Variants in ZBTB40 observed in about 807,000 individuals in gnomAD.
The protein encoded by ZBTB40 is zinc finger and BTB domain containing 40, also known as zinc finger and BTB domain-containing protein 40.
A neutral mutation model predicts 117.5 loss-of-function variants in ZBTB40; 60 were observed. That is an observed-to-expected ratio of 0.51 (90% confidence interval 0.41 to 0.63). The LOEUF (loss-of-function observed/expected upper bound fraction) is 0.63, where lower values mean the gene tolerates loss of function less well. Among genes scored for constraint, ZBTB40 ranks in the 30% least tolerant of loss-of-function variants. ZBTB40 has a pLI of 0.00. For synonymous variants in ZBTB40, 525 were observed against 577.1 expected, an observed-to-expected ratio of 0.91 and a Z score of 1.29; for missense variants, 1,287 against 1,498.5, an observed-to-expected ratio of 0.86 and a Z score of 2.33.
intron 16 of ZBTB40, 37 bp downstream of exon 16, chr1:22,522,500 CG>C (rs1398777191): frequency 1.2e-6 from 2 of 1,602,630 alleles, no homozygotes; most frequent in Non-Finnish European, 1.7e-6. Context: ...AGGCTAGACT[CG>C]GGGCCTGAAT....
chr1:22,521,189 G>A (rs572634872), intron 14 of ZBTB40, among the ~76,000 whole-genome samples: 14 of 152,286 alleles, frequency 9.2e-5, no homozygotes, highest in African/African-American at 2.2e-4. Flanking sequence ...TTAACCCCTC[G>A]GTGTCTCCGC....
At chr1:22,493,274 G>A (rs1638682007) in intron 3 of ZBTB40, among the ~76,000 whole-genome samples, 1 of 152,196 alleles carries the variant, frequency 6.6e-6, no homozygotes, top group Non-Finnish European at 1.5e-5. Context: ...AGAGGTCAGA[G>A]TAGGAGCTCT....
intron 17 of ZBTB40, among the ~76,000 whole-genome samples, 200 bp from the exon 18 acceptor site, chr1:22,526,000 GCA>G (rs1639666120): frequency 6.6e-6 from 1 of 152,198 alleles, no homozygotes; most frequent in Admixed American, 6.5e-5. Flanking sequence ...GCAATTTAGT[GCA>G]CAGTTATTTA....
At chr1:22,502,876 T>C (rs929479196) in intron 5 of ZBTB40, among the ~76,000 whole-genome samples, 52 of 152,292 alleles carry the variant, frequency 3.4e-4, no homozygotes, top group African/African-American at 1.1e-3. Flanking sequence ...GTACTGTACA[T>C]TTGGAATATG....
chr1:22,496,125 A>T (rs1050867641), intron 3 of ZBTB40, among the ~76,000 whole-genome samples: 2 of 152,310 alleles, frequency 1.3e-5, no homozygotes. Context: ...ACAGTGGATG[A>T]TTTTGTGAGT....
intron 1 of ZBTB40, among the ~76,000 whole-genome samples, chr1:22,464,127 C>T (rs573476411): frequency 1.4e-4 from 22 of 152,366 alleles, no homozygotes; most frequent in African/African-American, 5.0e-4. Flanking sequence ...CTCATTTAAT[C>T]TTCCAGCAGC....
chr1:22,459,472 A>G (rs975896769), intron 1 of ZBTB40, among the ~76,000 whole-genome samples: 1 of 152,124 alleles, frequency 6.6e-6, no homozygotes, highest in African/African-American at 2.4e-5. Flanking sequence ...TTTTTTCTTC[A>G]CTGATTTGAG....
At chr1:22,521,425 C>T (rs918761082) in intron 14 of ZBTB40, 71 bp from the exon 15 acceptor site, 1 of 1,592,560 alleles carries the variant, frequency 6.3e-7, no homozygotes, top group African/African-American at 1.3e-5. Flanking sequence ...TTCTTTCTCT[C>T]ATGAGAGCCT....
chr1:22,512,900 C>A (rs770129015), intron 11 of ZBTB40, 24 bp from the exon 12 acceptor site: 2 of 1,613,420 alleles, frequency 1.2e-6, no homozygotes, highest in Non-Finnish European at 8.5e-7. Context: ...CTCTTCTGGC[C>A]TCTGGTGTGC....
chr1:22,516,213 G>A (rs12026869), intron 12 of ZBTB40, among the ~76,000 whole-genome samples: 8,556 of 152,152 alleles, frequency 0.056, 759 homozygotes, highest in East Asian at 0.38. Context: ...AGCATTGGAA[G>A]CTCTGTTTTG....
intron 1 of ZBTB40, among the ~76,000 whole-genome samples, chr1:22,463,733 T>C (rs529547664): frequency 3.3e-5 from 5 of 152,380 alleles, no homozygotes; most frequent in Non-Finnish European, 5.9e-5. Flanking sequence ...CCTTCTGTTA[T>C]AACAGTCTTG....
intron 1 of ZBTB40, among the ~76,000 whole-genome samples, chr1:22,434,643 AC>A (rs1640647451): frequency 6.6e-6 from 1 of 152,106 alleles, no homozygotes. Context: ...TCAAATTATT[AC>A]CCAGTTATCC....
chr1:22,458,290 C>A (rs1641048826), intron 1 of ZBTB40, among the ~76,000 whole-genome samples: 1 of 152,210 alleles, frequency 6.6e-6, no homozygotes. Flanking sequence ...GATGGCTTGC[C>A]TGCCCTTAGG....
chr1:22,490,481 C>A lies in ZBTB40; in HGVS notation c.533C>A (p.Ala178Glu). The A allele has an allele frequency of 6.3e-7, 1 of 1,598,446 alleles. No individual in the cohort carries two copies. The highest frequency in any genetic ancestry group is 8.5e-7 in the Non-Finnish European group (1 of 1,172,066). ...CCTGTGAAAGCTGAGACTGAGGAAG[C>A]AGCCCATTCAGTTTCACAAGAGATG... The part of the protein sequence containing the change: ...GGPVKAETEE[A>E]AHSVSQEMSV... The change falls in exon 2 of 18, where the codon GCA (alanine) becomes GAA (glutamate). Residue 178 changes from alanine (A) to glutamate (E), a missense_variant. Ala to Glu is a moderately radical substitution (Grantham distance 107). Transcript: ENST00000375647.
chr1:22,516,722 T>G (rs1178181373), intron 12 of ZBTB40, among the ~76,000 whole-genome samples: 5 of 152,200 alleles, frequency 3.3e-5, no homozygotes, highest in Admixed American at 3.3e-4. Flanking sequence ...TGGTCTAGCA[T>G]TTCTCACAAA....
intron 14 of ZBTB40, 101 bp downstream of exon 14, chr1:22,520,376 G>T (rs1207639032): frequency 3.2e-6 from 3 of 924,334 alleles, no homozygotes; most frequent in Non-Finnish European, 5.1e-6. Context: ...ATCATATCTT[G>T]TATCCAGGAT....
Position 22,513,188 on chromosome 1 carries a change from C to T in ZBTB40, c.2668+58C>T. 6.4e-7 allele frequency: 1 copy of T among 1,560,670 alleles called. No individual in the cohort carries two copies. Among genetic ancestry groups the T allele is most frequent in the Non-Finnish European group, 8.7e-7 (1 of 1,145,072 alleles). On this transcript the variant is annotated intron_variant, in intron 12 of 17. Transcript: ENST00000375647. This position sits in a 1 kb window ranked among gnomAD's most constrained non-coding sequence, Gnocchi z 4.9. ...ACTTTCACTGCGAACTGCCTAAACCCCATTTGGATTAGGTGTGATATATAT... is the reference window on the plus strand; with the variant it reads ...ACTTTCACTGCGAACTGCCTAAACCTCATTTGGATTAGGTGTGATATATAT...
At chr1:22,519,178 C>T (rs1639455151) in intron 13 of ZBTB40, among the ~76,000 whole-genome samples, 2 of 152,234 alleles carry the variant, frequency 1.3e-5, no homozygotes, top group Non-Finnish European at 2.9e-5. Context: ...TGAATCAATG[C>T]ACATAAAAGA....
Position 22,521,528 on chromosome 1 carries a change from C to T in ZBTB40, c.3081C>T (p.Thr1027=). 1 of 1,614,198 alleles carries T rather than the reference C, an allele frequency of 6.2e-7. No homozygotes were observed. Among genetic ancestry groups the T allele is most frequent in the Non-Finnish European group, 8.5e-7 (1 of 1,180,038 alleles). The change falls in exon 15 of 18, where the codon ACC becomes ACT. Residue 1027 remains threonine (T), a synonymous_variant. Transcript: ENST00000375647. ...QLSGLWYHNR[T]HHPDVFAAQN... ...CTGGTTTGTGGTACCACAATCGAAC[C>T]CACCACCCTGACGTATTTGCTGCTC... is the stretch of plus-strand genomic sequence containing the variant.
Sources: gnomAD v4.1 joint callset for allele counts (sites outside exome capture counted in the v4.1 genomes callset) on GRCh38, gnomAD v4.1.1 for gene constraint, Gnocchi (gnomAD v3.1) non-coding constraint, MANE v1.5 for transcripts, NCBI Gene and HGNC (gene_info 2026-07-23, HGNC 2026-07-21) for gene names.